Variants in ATG7 observed in about 807,000 individuals in gnomAD.
The protein encoded by ATG7 is autophagy related 7, also known as ubiquitin-like modifier-activating enzyme ATG7.
Under a neutral mutation model 82.4 loss-of-function variants are expected in ATG7, and 70 were observed. That is an observed-to-expected ratio of 0.85 (90% CI 0.70 to 1.04). ATG7 has a LOEUF of 1.04. ATG7 is among the 50% of genes least tolerant of loss of function. The pLI is 0.00. For synonymous variants in ATG7, 287 were observed against 313.0 expected, an observed-to-expected ratio of 0.92 and a Z score of 0.88; for missense variants, 792 against 864.3, an observed-to-expected ratio of 0.92 and a Z score of 1.05.
chr3:11,557,736 A>C (rs2072575465), downstream of ATG7: 1 of 152,776 alleles, frequency 6.5e-6, no homozygotes, highest in African/African-American at 2.4e-5. Flanking sequence ...TTCTCCATTA[A>C]AACATGCATC....
intron 5 of ATG7, among the ~76,000 whole-genome samples, chr3:11,304,224 G>T (rs1369030107): frequency 6.6e-6 from 1 of 152,180 alleles, no homozygotes; most frequent in Non-Finnish European, 1.5e-5. Context: ...CTCGTGTGTG[G>T]GGCAGAGGCT....
At chr3:11,336,611 C>T (rs1267393835) in intron 11 of ATG7, among the ~76,000 whole-genome samples, 1 of 152,128 alleles carries the variant, frequency 6.6e-6, no homozygotes, top group Middle Eastern at 3.2e-3. Context: ...TTCAATACTT[C>T]TAAGACATCC....
chr3:11,374,229 A>C (rs1243769216), intron 18 of ATG7, among the ~76,000 whole-genome samples: 1 of 152,218 alleles, frequency 6.6e-6, no homozygotes, highest in Non-Finnish European at 1.5e-5. Context: ...TACTGTAATC[A>C]AGATAGTTAA....
At chr3:11,326,157 C>A (rs547582935) in intron 9 of ATG7, among the ~76,000 whole-genome samples, 1 of 152,300 alleles carries the variant, frequency 6.6e-6, no homozygotes, top group East Asian at 1.9e-4. Context: ...TACCTGCTTA[C>A]TGTTAAGCAA....
At position 11,367,140 on chromosome 3, in the gene ATG7, C is replaced by A. The variant is rs552337372; in HGVS notation, c.1875+2406C>A. Among the ~76,000 whole-genome samples, 6 of 152,120 alleles carry A rather than the reference C, an allele frequency of 3.9e-5. No homozygotes were observed. The East Asian group carries it at 1.2e-3, about 29-fold the overall frequency. ...GTCCCCATGTATAGGCTTTAAACAA[C>A]TTTTTTCCCCCTAAGTGGAGTGAGT... On this transcript the variant is annotated intron_variant, in intron 18 of 20. Transcript: ENST00000693202.
intron 20 of ATG7, among the ~76,000 whole-genome samples, chr3:11,527,047 G>GTA (rs1559801085): frequency 1.7e-5 from 1 of 60,304 alleles, no homozygotes; most frequent in Non-Finnish European, 4.2e-5. Context: ...ATATATGTGT[G>GTA]TGTGTGTGTG....
chr3:11,459,833 A>G (rs552517605), intron 20 of ATG7, among the ~76,000 whole-genome samples: 1 of 152,366 alleles, frequency 6.6e-6, no homozygotes, highest in South Asian at 2.1e-4. Flanking sequence ...GGTAGACTTT[A>G]GCCAGGCCAC....
chr3:11,438,373 T>A (rs2083557158), intron 20 of ATG7, among the ~76,000 whole-genome samples: 1 of 152,122 alleles, frequency 6.6e-6, no homozygotes, highest in African/African-American at 2.4e-5. Context: ...GTAAAACATT[T>A]AGGACTTGAA....
intron 19 of ATG7, among the ~76,000 whole-genome samples, chr3:11,386,660 C>G (rs2078338672): frequency 6.6e-6 from 1 of 152,214 alleles, no homozygotes; most frequent in African/African-American, 2.4e-5. Flanking sequence ...GGATATAAAT[C>G]TCTGATTTGG....
intron 18 of ATG7, among the ~76,000 whole-genome samples, chr3:11,375,165 A>G (rs2077320889): frequency 6.6e-6 from 1 of 152,168 alleles, no homozygotes; most frequent in Non-Finnish European, 1.5e-5. Flanking sequence ...CCGAGATCAC[A>G]CTGCTGCACT....
chr3:11,500,257 CAT>C (rs1388966498), intron 20 of ATG7, among the ~76,000 whole-genome samples: 1 of 152,084 alleles, frequency 6.6e-6, no homozygotes, highest in Non-Finnish European at 1.5e-5. Context: ...TGAATTCTAA[CAT>C]GTAGAATTTG....
intron 6 of ATG7, among the ~76,000 whole-genome samples, chr3:11,307,484 G>A (rs1223057034): frequency 6.6e-6 from 1 of 152,232 alleles, no homozygotes; most frequent in Non-Finnish European, 1.5e-5. Flanking sequence ...AGTCTCTGCA[G>A]TGTCTTCACT....
chr3:11,356,445 C>G (rs1388602724), intron 14 of ATG7, among the ~76,000 whole-genome samples: 2 of 152,134 alleles, frequency 1.3e-5, no homozygotes, highest in Non-Finnish European at 2.9e-5. Flanking sequence ...GATATACAGC[C>G]AAGTAGAAAA....
intron 20 of ATG7, among the ~76,000 whole-genome samples, chr3:11,475,909 C>CACACACACACACACACACACACACACACA (rs1479988312): frequency 1.0e-4 from 11 of 104,796 alleles, no homozygotes; most frequent in East Asian, 3.3e-4. Flanking sequence ...ACACACACAC[C>CACACACACACACACACACACACACACACA]CCCTCCCAGA....
At chr3:11,538,708 T>A (rs1291269261) in intron 20 of ATG7, among the ~76,000 whole-genome samples, 277 of 56,772 alleles carry the variant, frequency 4.9e-3, no homozygotes, top group African/African-American at 0.011. Context: ...AAAAAAAAAT[T>A]AGCCAAAAAA....
At chr3:11,279,639 T>A (rs1016201947) in intron 1 of ATG7, among the ~76,000 whole-genome samples, 4 of 152,058 alleles carry the variant, frequency 2.6e-5, no homozygotes, top group Middle Eastern at 3.2e-3. Flanking sequence ...AAGCCGAAAT[T>A]GAGCCACCTC....
intron 20 of ATG7, among the ~76,000 whole-genome samples, chr3:11,505,528 C>T (rs1355847229): frequency 6.6e-6 from 1 of 152,170 alleles, no homozygotes; most frequent in Non-Finnish European, 1.5e-5. Flanking sequence ...AATGAGAGGT[C>T]ACTGAAATGA....
chr3:11,344,566 T>G (rs1954194429), intron 13 of ATG7, among the ~76,000 whole-genome samples: 1 of 152,202 alleles, frequency 6.6e-6, no homozygotes. Context: ...TAATGTTTTG[T>G]TTTTAAATGT....
chr3:11,530,194 ACT>A (rs1004605474), intron 20 of ATG7, among the ~76,000 whole-genome samples: 6 of 151,856 alleles, frequency 4.0e-5, no homozygotes, highest in East Asian at 1.9e-4. Flanking sequence ...GACTAAACAA[ACT>A]CTGTCTGCTT....
Sources: allele counts gnomAD v4.1 joint callset (sites outside exome capture counted in the v4.1 genomes callset), GRCh38; gene constraint gnomAD v4.1.1; transcripts MANE v1.5; gene names NCBI Gene and HGNC (gene_info 2026-07-23, HGNC 2026-07-21).